ANO10: variants seen among roughly 807,000 people sequenced by gnomAD.
ANO10 encodes the protein anoctamin-10.
A neutral mutation model predicts 74.7 loss-of-function variants in ANO10; 77 were observed. The observed-to-expected ratio is 1.03, with a 90% CI of 0.86 to 1.25. The LOEUF (loss-of-function observed/expected upper bound fraction) is 1.25, where lower values mean the gene tolerates loss of function less well. Among genes scored for constraint, ANO10 ranks in the 50% most tolerant of loss-of-function variants. The pLI is 0.00. For missense variants in ANO10, 721 were observed against 778.1 expected (o/e 0.93, Z 0.87); for synonymous variants, 279 against 284.9 (o/e 0.98, Z 0.21).
intron 1 of ANO10, among the ~76,000 whole-genome samples, chr3:43,617,314 G>A (rs1008244739): frequency 3.3e-5 from 5 of 151,882 alleles, no homozygotes; most frequent in Non-Finnish European, 7.4e-5. Flanking sequence ...CCAGAGGGTA[G>A]AATGATTTCT....
At chr3:43,673,235 T>C (rs1040443670) in intron 1 of ANO10, among the ~76,000 whole-genome samples, 2 of 152,204 alleles carry the variant, frequency 1.3e-5, no homozygotes, top group Non-Finnish European at 1.5e-5. Context: ...AACAGATTAG[T>C]TCCCACTTGT....
At position 43,565,732 on chromosome 3, in the gene ANO10, C is replaced by CAAA. The variant is rs367784953; in HGVS notation, c.1219-8_1219-6dup. 8.0e-4 allele frequency: 1,023 copies of CAAA among 1,271,288 alleles called. 2 individuals are homozygous for CAAA. Among genetic ancestry groups the CAAA allele is most frequent in the African/African-American group, 4.9e-3 (232 of 47,222 alleles). The allele number at this position is 1,271,288 out of a possible 1,614,324, so 78.8% of individuals were successfully genotyped here. A position where few individuals can be genotyped will look rare whatever the true frequency, so the allele number is the denominator to read the frequency against. On this transcript the variant is annotated splice_region_variant and splice_polypyrimidine_tract_variant and intron_variant, in intron 7 of 12. Coordinates refer to ENST00000292246, the MANE Select transcript of ANO10 (RefSeq NM_018075.5). Reference sequence around the variant, plus strand: ...AAAGCAATTGAGGAAGTTGAACTGCCAAAAAAAAAAAAAAAAAAGATAAGT... The same window carrying CAAA: ...AAAGCAATTGAGGAAGTTGAACTGCCAAAAAAAAAAAAAAAAAAAAAGATAAGT...
intron 1 of ANO10, among the ~76,000 whole-genome samples, chr3:43,667,072 G>GTTTTTTTTTTTTTT (rs55764466): frequency 5.3e-5 from 3 of 56,124 alleles, no homozygotes; most frequent in African/African-American, 7.0e-5. Context: ...TACAATGCAT[G>GTTTTTTTTTTTTTT]TTTTTTTTTT....
At chr3:43,678,674 AG>A (rs1163520293) in intron 1 of ANO10, among the ~76,000 whole-genome samples, 2 of 152,182 alleles carry the variant, frequency 1.3e-5, no homozygotes, top group Admixed American at 6.5e-5. Flanking sequence ...CTCTTGAGAC[AG>A]GAATCTTCGA....
At chr3:43,539,538 G>T (rs949960606) in intron 11 of ANO10, among the ~76,000 whole-genome samples, 2 of 152,130 alleles carry the variant, frequency 1.3e-5, no homozygotes, top group African/African-American at 4.8e-5. Flanking sequence ...TGTTGAGAGC[G>T]GGAAGCACAG....
chr3:43,680,121 G>C (rs1217835454), intron 1 of ANO10, among the ~76,000 whole-genome samples: 1 of 152,130 alleles, frequency 6.6e-6, no homozygotes, highest in Non-Finnish European at 1.5e-5. Context: ...GAAGACTTCA[G>C]ATGATCAAAC....
At chr3:43,414,107 T>C (rs763766854) in intron 12 of ANO10, among the ~76,000 whole-genome samples, 8 of 151,978 alleles carry the variant, frequency 5.3e-5, no homozygotes, top group Non-Finnish European at 8.8e-5. Context: ...CCAGCAAAGA[T>C]AAACAGAAGA....
chr3:43,676,060 T>C (rs926162918), intron 1 of ANO10, among the ~76,000 whole-genome samples: 1 of 152,222 alleles, frequency 6.6e-6, no homozygotes, highest in East Asian at 1.9e-4. Context: ...ACTATGGGTA[T>C]ATTAAACCGT....
chr3:43,541,015 C>T (rs546034049), intron 11 of ANO10, among the ~76,000 whole-genome samples: 7 of 152,158 alleles, frequency 4.6e-5, no homozygotes, highest in East Asian at 3.9e-4. Context: ...CTAGTAAATT[C>T]CAAGATTATC....
intron 12 of ANO10, among the ~76,000 whole-genome samples, chr3:43,396,290 A>G (rs906601880): frequency 4.6e-5 from 7 of 152,078 alleles, no homozygotes; most frequent in African/African-American, 1.7e-4. Flanking sequence ...ATAGTTCACT[A>G]AAGCTCTTTT....
At chr3:43,601,518 A>C (rs1291530337) in intron 2 of ANO10, among the ~76,000 whole-genome samples, 1 of 152,216 alleles carries the variant, frequency 6.6e-6, no homozygotes, top group Non-Finnish European at 1.5e-5. Flanking sequence ...AGGTACATTT[A>C]TTTCTTTACT....
At chr3:43,545,030 A>T (rs1006850490) in intron 11 of ANO10, among the ~76,000 whole-genome samples, 1 of 151,404 alleles carries the variant, frequency 6.6e-6, no homozygotes, top group Non-Finnish European at 1.5e-5. Flanking sequence ...TGGTTAATTA[A>T]TTTGGAAAAA....
chr3:43,566,500 G>A (rs1406802923), intron 7 of ANO10, among the ~76,000 whole-genome samples: 3 of 152,206 alleles, frequency 2.0e-5, no homozygotes, highest in Non-Finnish European at 4.4e-5. Context: ...AGAATGGGCA[G>A]ACTGCCTCTT....
intron 4 of ANO10, among the ~76,000 whole-genome samples, chr3:43,590,248 GGC>G (rs2081667600): frequency 1.3e-5 from 2 of 152,000 alleles, no homozygotes; most frequent in Non-Finnish European, 2.9e-5. Context: ...GTTCACAGTA[GGC>G]TAGAATAAAT....
chr3:43,685,333 T>A (rs995541672), intron 1 of ANO10, among the ~76,000 whole-genome samples: 22 of 152,348 alleles, frequency 1.4e-4, no homozygotes, highest in African/African-American at 4.8e-4. Flanking sequence ...TTTTTCCACA[T>A]ATCAATATGC....
chr3:43,664,958 A>G (rs569315555), intron 1 of ANO10, among the ~76,000 whole-genome samples: 4 of 152,230 alleles, frequency 2.6e-5, no homozygotes, highest in Non-Finnish European at 5.9e-5. Context: ...ATTGTGGAAG[A>G]CAGTGTGGCA....
At chr3:43,678,175 G>A (rs2149580411) in intron 1 of ANO10, among the ~76,000 whole-genome samples, 1 of 152,192 alleles carries the variant, frequency 6.6e-6, no homozygotes, top group South Asian at 2.1e-4. Flanking sequence ...TCTAATACAA[G>A]GTCTATTTTA....
intron 9 of ANO10, among the ~76,000 whole-genome samples, chr3:43,559,580 A>G (rs537185227): frequency 2.0e-5 from 3 of 152,172 alleles, no homozygotes; most frequent in Middle Eastern, 3.4e-3. Flanking sequence ...TTAGGAGGAG[A>G]AGAAGTAGAT....
intron 11 of ANO10, among the ~76,000 whole-genome samples, chr3:43,480,595 A>G (rs568532584): frequency 7.2e-5 from 11 of 152,320 alleles, no homozygotes; most frequent in Admixed American, 1.3e-4. Flanking sequence ...ACTATCTCTC[A>G]TGAACCTGCC....
Sources: gnomAD v4.1 joint callset for allele counts (sites outside exome capture counted in the v4.1 genomes callset) on GRCh38, gnomAD v4.1.1 for gene constraint, MANE v1.5 for transcripts, NCBI Gene and HGNC (gene_info 2026-07-23, HGNC 2026-07-21) for gene names.